The following CREB5 variants were observed in gnomAD, a reference collection of about 807,000 sequenced individuals.
The protein encoded by CREB5 is cAMP responsive element binding protein 5.
A neutral mutation model predicts 57.1 loss-of-function variants in CREB5; 19 were observed. The ratio of observed to expected loss-of-function variants is 0.33; its 90% confidence interval spans 0.23 to 0.49. The LOEUF (loss-of-function observed/expected upper bound fraction) is 0.49, where lower values mean the gene tolerates loss of function less well. CREB5 is among the 20% of genes least tolerant of loss of function. The probability of loss-of-function intolerance (pLI) is 0.99; values close to 1 mark genes in which losing one functional copy is unlikely to be tolerated. For missense variants in CREB5, 579 were observed against 671.6 expected (o/e 0.86, Z 1.52); for synonymous variants, 238 against 238.3 (o/e 1.00, Z 0.01).
chr7:28,551,879 TTTCTTTTC>T (rs1446401719), intron 4 of CREB5, among the ~76,000 whole-genome samples: 1 of 151,308 alleles, frequency 6.6e-6, no homozygotes, highest in African/African-American at 2.4e-5. Flanking sequence ...TTTTTCTTTC[TTTCTTTTC>T]TTTCTTTCTT....
chr7:28,527,849 T>C (rs570799968), intron 4 of CREB5, among the ~76,000 whole-genome samples: 1 of 152,284 alleles, frequency 6.6e-6, no homozygotes, highest in East Asian at 1.9e-4. Context: ...ATACTTATTG[T>C]TTGTTTCATA....
intron 8 of CREB5, among the ~76,000 whole-genome samples, chr7:28,806,720 A>G (rs1156700262): frequency 6.6e-6 from 1 of 152,180 alleles, no homozygotes; most frequent in African/African-American, 2.4e-5. Context: ...TCCTGAACCT[A>G]ATTACACCTG....
chr7:28,808,919 G>C (rs770099056), intron 8 of CREB5, among the ~76,000 whole-genome samples: 12 of 152,060 alleles, frequency 7.9e-5, no homozygotes, highest in Non-Finnish European at 1.6e-4. Context: ...CCAAATGCCT[G>C]TCAGGGAAAA....
intron 5 of CREB5, among the ~76,000 whole-genome samples, chr7:28,618,357 C>A (rs1797671393): frequency 6.6e-6 from 1 of 152,174 alleles, no homozygotes; most frequent in African/African-American, 2.4e-5. Context: ...ACCAACTGCA[C>A]TCCTCCTGAT....
chr7:28,464,827 T>C (rs1440239005), intron 1 of CREB5, among the ~76,000 whole-genome samples: 1 of 152,186 alleles, frequency 6.6e-6, no homozygotes, highest in African/African-American at 2.4e-5. Flanking sequence ...ATAGCTGTTA[T>C]AAAGTGTTTA....
At chr7:28,724,140 C>G in intron 6 of CREB5, 82 bp from the exon 7 acceptor site, 1 of 1,176,716 alleles carries the variant, frequency 8.5e-7, no homozygotes, top group Non-Finnish European at 1.2e-6. Flanking sequence ...CTAAACGATC[C>G]ATTGGACAGA....
intron 1 of CREB5, among the ~76,000 whole-genome samples, chr7:28,464,573 T>G (rs1425232100): frequency 1.3e-5 from 2 of 151,758 alleles, no homozygotes; most frequent in African/African-American, 4.8e-5. Flanking sequence ...TGCATGTTTA[T>G]TCAGATTTTC....
chr7:28,642,987 T>TACACACACACAC (rs1179446048), intron 5 of CREB5, among the ~76,000 whole-genome samples: 68 of 98,366 alleles, frequency 6.9e-4, no homozygotes, highest in East Asian at 1.7e-3. Context: ...CACACACACA[T>TACACACACACAC]ACACACACAC....
intron 4 of CREB5, among the ~76,000 whole-genome samples, chr7:28,555,263 C>T (rs1258171673): frequency 6.6e-6 from 1 of 152,166 alleles, no homozygotes; most frequent in African/African-American, 2.4e-5. Flanking sequence ...CTTCCTGTGC[C>T]AGCAGATGTG....
chr7:28,703,922 G>C (rs1005421073), intron 5 of CREB5, among the ~76,000 whole-genome samples: 3 of 152,190 alleles, frequency 2.0e-5, no homozygotes, highest in Non-Finnish European at 4.4e-5. Context: ...CCATGGACTG[G>C]ATCATCCATA....
chr7:28,607,936 C>A (rs1413907825), intron 5 of CREB5, among the ~76,000 whole-genome samples: 2 of 152,054 alleles, frequency 1.3e-5, no homozygotes, highest in Admixed American at 1.3e-4. Context: ...CCAGACTTTG[C>A]CCTTCGAAAC....
At chr7:28,655,630 GTAAT>G (rs1461895550) in intron 5 of CREB5, among the ~76,000 whole-genome samples, 1 of 151,944 alleles carries the variant, frequency 6.6e-6, no homozygotes, top group African/African-American at 2.4e-5. Flanking sequence ...AATTAATTAA[GTAAT>G]TAATTTAATA....
intron 1 of CREB5, among the ~76,000 whole-genome samples, chr7:28,398,587 G>A (rs1787384361): frequency 1.3e-5 from 2 of 152,142 alleles, no homozygotes; most frequent in Non-Finnish European, 2.9e-5. Flanking sequence ...TTGCTTTATA[G>A]CAAATCGCAT....
chr7:28,714,840 C>T (rs1041908542), intron 5 of CREB5, among the ~76,000 whole-genome samples: 1 of 152,150 alleles, frequency 6.6e-6, no homozygotes, highest in African/African-American at 2.4e-5. Context: ...TACCTTGTTC[C>T]ATGCCTCAAT....
At chr7:28,359,263 A>G (rs1331399893) in intron 1 of CREB5, among the ~76,000 whole-genome samples, 1 of 152,024 alleles carries the variant, frequency 6.6e-6, no homozygotes, top group African/African-American at 2.4e-5. Context: ...GGATAAAGAG[A>G]TAGTTGAGAT....
At chr7:28,393,812 C>T (rs1368014805) in intron 1 of CREB5, among the ~76,000 whole-genome samples, 4 of 152,068 alleles carry the variant, frequency 2.6e-5, no homozygotes, top group African/African-American at 4.8e-5. Context: ...CGGTGGCTCA[C>T]GCCTGTAATC....
intron 4 of CREB5, 84 bp downstream of exon 4, chr7:28,507,821 G>T: frequency 2.2e-6 from 3 of 1,389,822 alleles, no homozygotes; most frequent in African/African-American, 2.9e-5. Context: ...ACTGCAGATT[G>T]TGTTGATGTG....
chr7:28,543,831 T>C (rs1047240749), intron 4 of CREB5, among the ~76,000 whole-genome samples: 5 of 151,698 alleles, frequency 3.3e-5, no homozygotes, highest in Non-Finnish European at 7.4e-5. Context: ...GGGCATGGTG[T>C]TGAGGGAAGC....
chr7:28,435,046 C>G (rs1004565961), intron 1 of CREB5, among the ~76,000 whole-genome samples: 1 of 150,242 alleles, frequency 6.7e-6, no homozygotes, highest in Non-Finnish European at 1.5e-5. Context: ...CCTCTAAAAG[C>G]AGAGGGATTC....
Sources: gnomAD v4.1 joint callset for allele counts (sites outside exome capture counted in the v4.1 genomes callset) on GRCh38, gnomAD v4.1.1 for gene constraint, MANE v1.5 for transcripts, NCBI Gene and HGNC (gene_info 2026-07-23, HGNC 2026-07-21) for gene names.